The following PCSK5 variants were observed in gnomAD, a reference collection of about 807,000 sequenced individuals.
PCSK5 encodes prohormone convertase 5.
Under a neutral mutation model 233.2 loss-of-function variants are expected in PCSK5, and 129 were observed. The observed-to-expected ratio is 0.55, with a 90% CI of 0.48 to 0.64. The LOEUF is 0.64. Among genes scored for constraint, PCSK5 ranks in the 30% least tolerant of loss-of-function variants. The pLI, the probability that PCSK5 is intolerant of heterozygous loss-of-function variation, is 0.00. For missense variants in PCSK5, 2,076 were observed against 2,430.1 expected (o/e 0.85, Z 3.06); for synonymous variants, 825 against 879.2 (o/e 0.94, Z 1.09).
chr9:76,142,174 A>G (rs1468340218), intron 10 of PCSK5, among the ~76,000 whole-genome samples: 3 of 151,794 alleles, frequency 2.0e-5, no homozygotes, highest in Non-Finnish European at 2.9e-5. Context: ...AAAGTATATC[A>G]GGCATTCATT....
intron 1 of PCSK5, among the ~76,000 whole-genome samples, chr9:75,908,848 G>A (rs564834617): frequency 4.1e-5 from 6 of 145,804 alleles, no homozygotes; most frequent in East Asian, 2.1e-4. Context: ...CCATCCATCC[G>A]CCATCCATGC....
intron 21 of PCSK5, among the ~76,000 whole-genome samples, chr9:76,228,046 G>A (rs866724553): frequency 6.6e-6 from 1 of 150,436 alleles, no homozygotes; most frequent in Admixed American, 6.6e-5. Context: ...CTCTGCTCAC[G>A]GCAACCTCCG....
At chr9:76,254,972 G>A (rs1319229283) in intron 24 of PCSK5, among the ~76,000 whole-genome samples, 1 of 152,176 alleles carries the variant, frequency 6.6e-6, no homozygotes, top group Non-Finnish European at 1.5e-5. Flanking sequence ...TCTGGAGTGA[G>A]GTGTGGGCAT....
At chr9:76,113,636 C>T (rs1367918550) in intron 9 of PCSK5, among the ~76,000 whole-genome samples, 2 of 152,038 alleles carry the variant, frequency 1.3e-5, no homozygotes, top group African/African-American at 4.8e-5. Flanking sequence ...CTCACTGGGG[C>T]GAGGGGTGCT....
Position 75,991,233 on chromosome 9 carries a change from G to C in PCSK5, c.411+4988G>C, listed in dbSNP as rs544528496. Among the ~76,000 whole-genome samples the C allele has an allele frequency of 5.3e-5, 8 of 152,222 alleles. No homozygotes were observed. In the East Asian group the frequency reaches 1.5e-3, roughly 29 times the overall value. On this transcript the variant is annotated intron_variant, in intron 3 of 37. Transcript: ENST00000674117. The stretch of plus-strand genomic sequence containing the variant: ...CTACATCATGCTTCATAAAGGACAG[G>C]CATTAGAATCACCTGGAGGTCTTCT...
At chr9:75,943,232 A>C (rs961778183) in intron 2 of PCSK5, among the ~76,000 whole-genome samples, 2 of 152,056 alleles carry the variant, frequency 1.3e-5, no homozygotes, top group Non-Finnish European at 2.9e-5. Flanking sequence ...AGCTGTTGAA[A>C]CTAGAAAATG....
intron 24 of PCSK5, among the ~76,000 whole-genome samples, chr9:76,265,420 A>T (rs1334453453): frequency 6.6e-6 from 1 of 152,152 alleles, no homozygotes; most frequent in Non-Finnish European, 1.5e-5. Flanking sequence ...GGTGAAAAAA[A>T]AATTGCCTTT....
intron 30 of PCSK5, among the ~76,000 whole-genome samples, chr9:76,315,249 A>G (rs368917236): frequency 7.2e-5 from 11 of 152,132 alleles, no homozygotes; most frequent in African/African-American, 2.4e-4. Flanking sequence ...CCACTGTGAC[A>G]GTAACATATA....
At chr9:76,296,548 T>C in intron 26 of PCSK5, 117 bp from the exon 27 acceptor site, 1 of 670,704 alleles carries the variant, frequency 1.5e-6, no homozygotes, top group Non-Finnish European at 2.6e-6. Flanking sequence ...ATCTCAAAAA[T>C]AATAATAAAA....
At chr9:76,198,973 G>A (rs1824807148) in intron 20 of PCSK5, among the ~76,000 whole-genome samples, 2 of 152,144 alleles carry the variant, frequency 1.3e-5, no homozygotes, top group Non-Finnish European at 2.9e-5. Flanking sequence ...AAATGGAGTT[G>A]ACTCTAAAAT....
intron 2 of PCSK5, among the ~76,000 whole-genome samples, chr9:75,964,300 A>T (rs1825482369): frequency 6.6e-6 from 1 of 152,166 alleles, no homozygotes; most frequent in Non-Finnish European, 1.5e-5. Flanking sequence ...ACCAAGTCAG[A>T]GTTCTAAAAA....
At chr9:76,145,124 T>TA (rs773262237) in intron 10 of PCSK5, among the ~76,000 whole-genome samples, 4 of 151,832 alleles carry the variant, frequency 2.6e-5, no homozygotes, top group African/African-American at 7.3e-5. Context: ...GACTCCATCT[T>TA]AAAAAAAATA....
At chr9:76,133,239 G>A (rs2131744429) in intron 9 of PCSK5, among the ~76,000 whole-genome samples, 1 of 152,214 alleles carries the variant, frequency 6.6e-6, no homozygotes, top group Admixed American at 6.5e-5. Context: ...GCACAACTCA[G>A]AATTCAAGAC....
intron 12 of PCSK5, among the ~76,000 whole-genome samples, chr9:76,159,789 CCT>C (rs1206450108): frequency 2.7e-5 from 4 of 150,566 alleles, no homozygotes; most frequent in African/African-American, 9.8e-5. Flanking sequence ...TTTGCTCACC[CCT>C]GTTTTTAAGG....
At chr9:75,954,264 C>A (rs893571162) in intron 2 of PCSK5, among the ~76,000 whole-genome samples, 1 of 152,114 alleles carries the variant, frequency 6.6e-6, no homozygotes, top group Non-Finnish European at 1.5e-5. Flanking sequence ...CTCTATTGTT[C>A]AGATTACACT....
rs573087194 is a variant in PCSK5 at position 76,326,999 on chromosome 9, G to A, written c.4340-1010G>A. Among the ~76,000 whole-genome samples the A allele has an allele frequency of 2.6e-5, 4 of 152,282 alleles. No homozygotes were observed. The East Asian group carries it at 7.7e-4, about 29-fold the overall frequency. ...CAGAGATGGTCGGCCTGGTGCAGTG[G>A]CTCATGCCTGTAATCCCAGCCCTTT... is the stretch of plus-strand genomic sequence containing the variant. On this transcript the variant is annotated intron_variant, in intron 32 of 37. Coordinates refer to ENST00000674117, the MANE Select transcript of PCSK5 (RefSeq NM_001372043.1).
intron 24 of PCSK5, among the ~76,000 whole-genome samples, chr9:76,267,339 G>A (rs547179257): frequency 4.6e-5 from 7 of 152,170 alleles, no homozygotes; most frequent in South Asian, 2.1e-4. Context: ...TTAGATAAGC[G>A]GCCAATTTAA....
intron 24 of PCSK5, chr9:76,288,128 C>T (rs893079209): frequency 6.6e-6 from 1 of 152,232 alleles, no homozygotes; most frequent in Non-Finnish European, 1.5e-5. Context: ...GGGAGAGAGA[C>T]ACCATGATCC....
intron 7 of PCSK5, among the ~76,000 whole-genome samples, chr9:76,094,318 A>G (rs1334646142): frequency 6.6e-6 from 1 of 152,142 alleles, no homozygotes; most frequent in Non-Finnish European, 1.5e-5. Flanking sequence ...TGGGGACCAG[A>G]AAATTAGGGC....
Sources: gnomAD v4.1 joint callset for allele counts (sites outside exome capture counted in the v4.1 genomes callset) on GRCh38, gnomAD v4.1.1 for gene constraint, MANE v1.5 for transcripts, NCBI Gene and HGNC (gene_info 2026-07-23, HGNC 2026-07-21) for gene names.